The following PTPN14 variants were observed in gnomAD, a reference collection of about 807,000 sequenced individuals.
The protein encoded by PTPN14 is protein tyrosine phosphatase non-receptor type 14.
In PTPN14, 53 loss-of-function variants were observed where a neutral mutation model predicts 126.8. The ratio of observed to expected loss-of-function variants is 0.42; its 90% CI spans 0.34 to 0.53. The LOEUF is 0.53. Ranked by LOEUF, PTPN14 falls within the 20% of genes least tolerant of loss-of-function variation. The pLI is 0.08. For synonymous variants in PTPN14, 630 were observed against 599.3 expected (o/e 1.05, Z -0.75); for missense variants, 1,257 against 1,552.9 (o/e 0.81, Z 3.20).
At chr1:214,478,982 T>C (rs1314255243) in intron 1 of PTPN14, among the ~76,000 whole-genome samples, 1 of 151,808 alleles carries the variant, frequency 6.6e-6, no homozygotes, top group Non-Finnish European at 1.5e-5. Context: ...ATACATTGAC[T>C]AAATACAAAA....
At chr1:214,529,019 GGGGCC>G (rs1393657277) in intron 1 of PTPN14, 1 of 152,146 alleles carries the variant, frequency 6.6e-6, no homozygotes, top group Admixed American at 6.5e-5. Context: ...TCAAGAAGAT[GGGGCC>G]GGGTATGGTG....
At chr1:214,479,531 G>A (rs1315575808) in intron 1 of PTPN14, among the ~76,000 whole-genome samples, 4 of 151,812 alleles carry the variant, frequency 2.6e-5, no homozygotes, top group Non-Finnish European at 5.9e-5. Context: ...GTGGAGATAG[G>A]GTTTCACCAT....
chr1:214,364,650 G>A lies in PTPN14; in HGVS notation c.3297C>T (p.Val1099=). 6 of 1,613,834 alleles carry A rather than the reference G, an allele frequency of 3.7e-6. No homozygotes were observed. Among genetic ancestry groups the A allele is most frequent in the African/African-American group, 1.3e-5 (1 of 75,010 alleles). ...FLSYLEEIQS[V]RRHTNSMLEG... ...CCAGCATGCTGTTGGTATGGCGACG[G>A]ACCGACTGGATCTCCTCCAAGTAGG... Residue 1099 remains valine, a synonymous_variant, in exon 18 of 19, where the codon GTC becomes GTT. Coordinates refer to ENST00000366956, the MANE Select transcript of PTPN14 (RefSeq NM_005401.5). This position sits in a 1 kb window ranked among gnomAD's most constrained non-coding sequence, Gnocchi z 4.1.
intron 15 of PTPN14, among the ~76,000 whole-genome samples, chr1:214,373,976 T>C (rs898236564): frequency 1.3e-5 from 2 of 152,168 alleles, no homozygotes; most frequent in Non-Finnish European, 2.9e-5. Flanking sequence ...GGGAAGATAA[T>C]TCTACAGCTA....
At chr1:214,536,960 T>C (rs1289189140) in intron 1 of PTPN14, among the ~76,000 whole-genome samples, 2 of 152,210 alleles carry the variant, frequency 1.3e-5, no homozygotes, top group Non-Finnish European at 1.5e-5. Context: ...TTTTTAAACA[T>C]GTTGGTACAC....
intron 16 of PTPN14, 56 bp from the exon 17 acceptor site, chr1:214,369,747 T>G: frequency 6.8e-7 from 1 of 1,480,812 alleles, no homozygotes; most frequent in Non-Finnish European, 9.4e-7. Context: ...TCTCATCCTT[T>G]TAATCCTAAG....
chr1:214,542,255 T>C (rs1025888584), intron 1 of PTPN14, among the ~76,000 whole-genome samples: 28 of 152,180 alleles, frequency 1.8e-4, no homozygotes, highest in African/African-American at 6.5e-4. Context: ...GTAAACAATA[T>C]ATGGTGGCAA....
At chr1:214,483,259 A>T in intron 1 of PTPN14, 2 of 1,613,482 alleles carry the variant, frequency 1.2e-6, no homozygotes, top group Non-Finnish European at 1.7e-6. Context: ...AAACATTTTC[A>T]TCTCTCTTAG....
At chr1:214,410,479 G>T (rs957120350) in intron 5 of PTPN14, among the ~76,000 whole-genome samples, 14 of 152,106 alleles carry the variant, frequency 9.2e-5, no homozygotes, top group African/African-American at 3.4e-4. Context: ...TTTTAGTAGA[G>T]ATGGGGTTTC....
At chr1:214,502,777 C>T (rs191588588) in intron 1 of PTPN14, among the ~76,000 whole-genome samples, 3 of 151,922 alleles carry the variant, frequency 2.0e-5, no homozygotes, top group Admixed American at 1.3e-4. Context: ...TAAAATATAG[C>T]GCAATAATGT....
At chr1:214,426,866 G>T (rs932670994) in intron 3 of PTPN14, among the ~76,000 whole-genome samples, 8 of 152,080 alleles carry the variant, frequency 5.3e-5, no homozygotes, top group Admixed American at 5.2e-4. Context: ...ACACCCTGCG[G>T]GCATCAGGCC....
intron 12 of PTPN14, among the ~76,000 whole-genome samples, chr1:214,385,088 A>G (rs1297924071): frequency 2.6e-5 from 4 of 152,214 alleles, no homozygotes; most frequent in Non-Finnish European, 1.5e-5. Context: ...CTTTGAAATC[A>G]GGCACCAACA....
At chr1:214,420,919 A>G (rs1042860944) in intron 3 of PTPN14, among the ~76,000 whole-genome samples, 1 of 152,266 alleles carries the variant, frequency 6.6e-6, no homozygotes, top group Non-Finnish European at 1.5e-5. Flanking sequence ...ATACTGTGCT[A>G]AAGTGTTTGA....
At chr1:214,550,981 C>A (rs1656094509) in intron 1 of PTPN14, among the ~76,000 whole-genome samples, 1 of 152,216 alleles carries the variant, frequency 6.6e-6, no homozygotes, top group African/African-American at 2.4e-5. Flanking sequence ...ACCAGCTTTG[C>A]GCCTCACCGC....
At chr1:214,526,544 A>G (rs914252144) in intron 1 of PTPN14, among the ~76,000 whole-genome samples, 1 of 151,316 alleles carries the variant, frequency 6.6e-6, no homozygotes, top group Non-Finnish European at 1.5e-5. Flanking sequence ...AAAAAAAAAT[A>G]GAAAAAGAGA....
At chr1:214,431,632 C>T (rs1279001508) in intron 3 of PTPN14, among the ~76,000 whole-genome samples, 3 of 152,138 alleles carry the variant, frequency 2.0e-5, no homozygotes, top group Non-Finnish European at 2.9e-5. Context: ...TGGAAAGGTA[C>T]GGCACATAGT....
rs752852220 is a variant in PTPN14, at chr1:214,364,372, A to G, written c.3435+140T>C. 4 of 1,103,024 alleles carry G rather than the reference A, an allele frequency of 3.6e-6. No homozygotes were observed. The highest frequency in any genetic ancestry group is 5.1e-6 in the Non-Finnish European group (4 of 779,392). 68.3% of individuals were successfully genotyped at this position (1,103,024 alleles called of 1,614,324 possible). A position where few individuals can be genotyped will look rare whatever the true frequency, so the allele number is the denominator to read the frequency against. ...GGGCTGTAAATGTCAGAGTCAAACT[A>G]GGAACCAGGAGCCTGGAAAACTCTG... is the stretch of plus-strand genomic sequence containing the variant. On this transcript the variant is annotated intron_variant, in intron 18 of 18. Coordinates refer to ENST00000366956, the MANE Select transcript of PTPN14 (RefSeq NM_005401.5). The surrounding 1 kb of genome is among the most constrained non-coding windows in gnomAD (Gnocchi z 4.1).
In PTPN14 at chr1:214,362,175, T is replaced by TA. The variant is rs553494496; in HGVS notation, c.3435+2336dup. Among the ~76,000 whole-genome samples the TA allele has an allele frequency of 4.7e-3, 722 of 152,304 alleles. 4 individuals carry two copies. The highest frequency in any genetic ancestry group is 0.017 in the African/African-American group (698 of 41,558). ...TCTCCTGAAATAGGGGCTTGGATCT[T>TA]ACTAGCCAGGCCTGAACAGTACCAG... On this transcript the variant is annotated intron_variant, in intron 18 of 18. Coordinates refer to ENST00000366956, the MANE Select transcript of PTPN14 (RefSeq NM_005401.5).
chr1:214,434,365 C>T (rs1307560491), intron 3 of PTPN14, among the ~76,000 whole-genome samples: 2 of 151,902 alleles, frequency 1.3e-5, no homozygotes, highest in Non-Finnish European at 2.9e-5. Flanking sequence ...GAGAAAAGGC[C>T]CCTGGCCCAG....
Sources: gnomAD v4.1 joint callset for allele counts (sites outside exome capture counted in the v4.1 genomes callset) on GRCh38, gnomAD v4.1.1 for gene constraint, Gnocchi (gnomAD v3.1) non-coding constraint, MANE v1.5 for transcripts, NCBI Gene and HGNC (gene_info 2026-07-23, HGNC 2026-07-21) for gene names.